The following UTRN variants were observed in gnomAD, a reference collection of about 807,000 sequenced individuals.
The protein encoded by UTRN is dystrophin-related protein 1.
A neutral mutation model predicts 463.9 loss-of-function variants in UTRN; 283 were observed. The ratio of observed to expected loss-of-function variants is 0.61; its 90% CI spans 0.55 to 0.67. The LOEUF (loss-of-function observed/expected upper bound fraction) is 0.67. Among genes scored for constraint, UTRN ranks in the 30% least tolerant of loss-of-function variants. The pLI, the probability that UTRN is intolerant of heterozygous loss-of-function variation, is 0.00. For synonymous variants in UTRN, 1,442 were observed against 1,431.5 expected (o/e 1.01, Z -0.17); for missense variants, 3,922 against 4,084.3 (o/e 0.96, Z 1.08).
At chr6:144,746,630 G>A (rs1790776374) in intron 54 of UTRN, among the ~76,000 whole-genome samples, 1 of 151,372 alleles carries the variant, frequency 6.6e-6, no homozygotes, top group South Asian at 2.1e-4. Flanking sequence ...GCACCCACCA[G>A]CACACCTGGC....
intron 60 of UTRN, among the ~76,000 whole-genome samples, chr6:144,778,065 T>C (rs1775491509): frequency 6.6e-6 from 1 of 152,298 alleles, no homozygotes; most frequent in Non-Finnish European, 1.5e-5. Flanking sequence ...ATTTTCTGTA[T>C]TGTGGGAGTT....
In UTRN at chr6:144,577,300, G is replaced by C; in HGVS notation, c.7479+12G>C. 6 of 1,612,740 alleles carry C rather than the reference G, an allele frequency of 3.7e-6. No individual in the cohort carries two copies. The highest frequency in any genetic ancestry group is 5.1e-6 in the Non-Finnish European group (6 of 1,179,298). ...AACAGCAGATGCAGGTAAGTGCATG[G>C]GAAACCACACCAGTACCTGTGTTTG... On this transcript the variant is annotated intron_variant, in intron 51 of 74. Transcript: ENST00000367545.
chr6:144,566,416 A>G (rs1450835176), intron 50 of UTRN, among the ~76,000 whole-genome samples: 1 of 152,200 alleles, frequency 6.6e-6, no homozygotes, highest in African/African-American at 2.4e-5. Flanking sequence ...CTTTAATAGC[A>G]TTCATCTACT....
At chr6:144,643,806 A>C (rs999859132) in intron 51 of UTRN, among the ~76,000 whole-genome samples, 4 of 152,118 alleles carry the variant, frequency 2.6e-5, no homozygotes, top group African/African-American at 9.7e-5. Context: ...AAAAAAAAAA[A>C]AAATTTGTTA....
At chr6:144,575,453 A>T (rs6923287) in intron 50 of UTRN, among the ~76,000 whole-genome samples, 1 of 152,176 alleles carries the variant, frequency 6.6e-6, no homozygotes, top group African/African-American at 2.4e-5. Context: ...TCTATTAGAT[A>T]TGCTGATTTT....
chr6:144,689,174 T>C (rs1465826422), intron 52 of UTRN, among the ~76,000 whole-genome samples: 2 of 152,102 alleles, frequency 1.3e-5, no homozygotes, highest in East Asian at 3.9e-4. Flanking sequence ...ACCTGGAAGG[T>C]ACTTCTCTTG....
intron 65 of UTRN, among the ~76,000 whole-genome samples, chr6:144,819,423 A>G (rs1358264316): frequency 1.4e-4 from 22 of 152,060 alleles, no homozygotes; most frequent in Non-Finnish European, 4.4e-5. Flanking sequence ...GGTTGGGTGC[A>G]GTGGCTCACA....
intron 34 of UTRN, among the ~76,000 whole-genome samples, chr6:144,503,366 G>C (rs1794390475): frequency 6.6e-6 from 1 of 152,018 alleles, no homozygotes; most frequent in Non-Finnish European, 1.5e-5. Flanking sequence ...TTTCTTCTAG[G>C]GTTTTTATGG....
At chr6:144,785,110 G>C (rs190409097) in intron 61 of UTRN, among the ~76,000 whole-genome samples, 2 of 152,110 alleles carry the variant, frequency 1.3e-5, no homozygotes, top group Non-Finnish European at 2.9e-5. Context: ...TTTTCTTTGA[G>C]AATCAGATAG....
rs956632222 is a variant in UTRN at position 144,436,774 on chromosome 6, TAATA to T, written c.1059+645_1059+648del. ...TATTTTATATATATATTTATATATA[TAATA>T]AATAAATATATATTTATATATAAAT... On this transcript the variant is annotated intron_variant, in intron 10 of 74. Coordinates refer to ENST00000367545, the MANE Select transcript of UTRN (RefSeq NM_007124.3). Among the ~76,000 whole-genome samples, 448 of 143,906 alleles carry T rather than the reference TAATA, an allele frequency of 3.1e-3. 5 individuals carry two copies. The highest frequency in any genetic ancestry group is 0.011 in the African/African-American group (426 of 39,632). The allele number at this position is 143,906 out of a possible 152,430, so 94.4% of individuals were successfully genotyped here.
chr6:144,454,031 AT>A (rs1788580286), intron 19 of UTRN, among the ~76,000 whole-genome samples, 162 bp downstream of exon 19: 1 of 152,168 alleles, frequency 6.6e-6, no homozygotes, highest in Non-Finnish European at 1.5e-5. Context: ...TAAAAATGAA[AT>A]TTTATTCTGA....
At chr6:144,527,168 T>C (rs1351460152) in intron 41 of UTRN, among the ~76,000 whole-genome samples, 1 of 152,216 alleles carries the variant, frequency 6.6e-6, no homozygotes, top group African/African-American at 2.4e-5. Context: ...TTAGAGCTCC[T>C]TTTAGCAATT....
At position 144,458,764 on chromosome 6, in the gene UTRN, G is replaced by A. The variant is rs1789121101; in HGVS notation, c.2285-6G>A. On this transcript the variant is annotated splice_region_variant and splice_polypyrimidine_tract_variant and intron_variant, in intron 19 of 74. Coordinates refer to ENST00000367545, the MANE Select transcript of UTRN (RefSeq NM_007124.3). ...GACTGTTTGCTTGTTTTTCATGTCT[G>A]CATAGAAGGCCTTCCTACTGAAGAA... 1 of 1,581,246 alleles carries A rather than the reference G, an allele frequency of 6.3e-7. No individual in the cohort carries two copies. Among genetic ancestry groups the A allele is most frequent in the Non-Finnish European group, 8.6e-7 (1 of 1,168,616 alleles).
At position 144,573,716 on chromosome 6, in the gene UTRN, TA is replaced by T. The variant is rs545918393; in HGVS notation, c.7290-3379del. 2.7e-4 allele frequency among the ~76,000 whole-genome samples: 41 copies of T among 151,678 alleles called. 1 individual carries two copies. In the South Asian group the frequency reaches 8.3e-3, roughly 31 times the overall value. ...ATCTCTAGAATAAAATAAAATAAAA[TA>T]AAATAAAGGAATATTATGGAAAGAT... On this transcript the variant is annotated intron_variant, in intron 50 of 74. Coordinates refer to ENST00000367545, the MANE Select transcript of UTRN (RefSeq NM_007124.3).
chr6:144,438,896 G>A lies in UTRN; in HGVS notation c.1392+1G>A. On this transcript the variant is annotated splice_donor_variant, in intron 12 of 74. Transcript: ENST00000367545. LOFTEE classifies it high-confidence loss of function. ...ACAAAAGCTGCTAGAAGAACATAAA[G>A]TAAATCTGTCTCATATTTCTTCGAT... The A allele has an allele frequency of 1.2e-6, 2 of 1,614,012 alleles. No individual in the cohort carries two copies. The highest frequency in any genetic ancestry group is 1.7e-6 in the Non-Finnish European group (2 of 1,179,976).
chr6:144,646,006 T>C (rs1256870444), intron 51 of UTRN, among the ~76,000 whole-genome samples: 1 of 152,228 alleles, frequency 6.6e-6, no homozygotes, highest in Non-Finnish European at 1.5e-5. Context: ...AATCCTTTTC[T>C]TGTTGATCTT....
At chr6:144,613,909 T>C (rs1805791149) in intron 51 of UTRN, among the ~76,000 whole-genome samples, 1 of 152,070 alleles carries the variant, frequency 6.6e-6, no homozygotes, top group Non-Finnish European at 1.5e-5. Flanking sequence ...TATGCAAACA[T>C]ATATATTTTC....
chr6:144,570,084 T>A (rs1800800096), intron 50 of UTRN, among the ~76,000 whole-genome samples: 1 of 152,136 alleles, frequency 6.6e-6, no homozygotes, highest in Non-Finnish European at 1.5e-5. Context: ...TTGTGGTTAT[T>A]TATGATAGCA....
At chr6:144,622,184 G>GTTTTTTTTTT (rs1199579909) in intron 51 of UTRN, among the ~76,000 whole-genome samples, 34 of 88,208 alleles carry the variant, frequency 3.9e-4, no homozygotes, top group South Asian at 1.4e-3. Context: ...TTTTTTTGTT[G>GTTTTTTTTTT]TTTTTTTTTT....
Sources: allele counts gnomAD v4.1 joint callset (sites outside exome capture counted in the v4.1 genomes callset), GRCh38; gene constraint gnomAD v4.1.1; transcripts MANE v1.5; gene names NCBI Gene and HGNC (gene_info 2026-07-23, HGNC 2026-07-21).